Variants in B3GALT1 observed in about 807,000 individuals in gnomAD.
The protein encoded by B3GALT1 is UDP-Gal:betaGlcNAc beta 1,3-galactosyltransferase, polypeptide 1.
Under a neutral mutation model 23.2 loss-of-function variants are expected in B3GALT1, and 10 were observed. That is an observed-to-expected ratio of 0.43 (90% CI 0.27 to 0.73). B3GALT1 has a LOEUF of 0.73. Ranked by LOEUF, B3GALT1 falls within the 30% of genes least tolerant of loss-of-function variation. B3GALT1 has a pLI of 0.21. For missense variants in B3GALT1, 299 were observed against 405.4 expected, an observed-to-expected ratio of 0.74 and a Z score of 2.25; for synonymous variants, 156 against 141.5, an observed-to-expected ratio of 1.10 and a Z score of -0.73.
intron 2 of B3GALT1, among the ~76,000 whole-genome samples, chr2:167,620,287 A>G (rs1197910573): frequency 6.6e-6 from 1 of 152,096 alleles, no homozygotes; most frequent in Non-Finnish European, 1.5e-5. Context: ...CATAAATACA[A>G]AGAGAAGGTA....
At chr2:167,715,840 T>TC in intron 3 of B3GALT1, 9 of 1,613,920 alleles carry the variant, frequency 5.6e-6, no homozygotes, top group Non-Finnish European at 7.6e-6. Context: ...CAAGTTTTTT[T>TC]CTCTCTTCCC....
At chr2:167,426,355 A>C (rs1480960302) in intron 1 of B3GALT1, among the ~76,000 whole-genome samples, 1 of 151,162 alleles carries the variant, frequency 6.6e-6, no homozygotes, top group Non-Finnish European at 1.5e-5. Flanking sequence ...GCTCAATACA[A>C]CCTCCGCCTC....
chr2:167,593,038 T>C (rs543700914), intron 2 of B3GALT1, among the ~76,000 whole-genome samples: 1 of 152,152 alleles, frequency 6.6e-6, no homozygotes, highest in Non-Finnish European at 1.5e-5. Context: ...ATACAGATAG[T>C]GTATAACTAG....
intron 4 of B3GALT1, among the ~76,000 whole-genome samples, chr2:167,838,818 G>T (rs1389314481): frequency 6.6e-6 from 1 of 152,164 alleles, no homozygotes; most frequent in Non-Finnish European, 1.5e-5. Context: ...ACATCAAAAA[G>T]CTTATCCACC....
intron 2 of B3GALT1, among the ~76,000 whole-genome samples, chr2:167,532,964 C>T (rs1222975270): frequency 9.4e-5 from 14 of 149,674 alleles, no homozygotes; most frequent in African/African-American, 2.2e-4. Context: ...TGGGTTCAAG[C>T]GATTCTCCTG....
chr2:167,597,140 G>C (rs1204868082), intron 2 of B3GALT1, among the ~76,000 whole-genome samples: 1 of 138,024 alleles, frequency 7.2e-6, no homozygotes, highest in Non-Finnish European at 1.6e-5. Flanking sequence ...TTTTTAGATA[G>C]AGCCTCTCTC....
At chr2:167,847,175 A>C (rs780278522) in intron 4 of B3GALT1, among the ~76,000 whole-genome samples, 1 of 152,232 alleles carries the variant, frequency 6.6e-6, no homozygotes, top group Non-Finnish European at 1.5e-5. Context: ...TCAATACTCC[A>C]CTGACAGCAC....
At chr2:167,659,820 A>C (rs1368614342) in intron 3 of B3GALT1, among the ~76,000 whole-genome samples, 1 of 152,000 alleles carries the variant, frequency 6.6e-6, no homozygotes, top group Non-Finnish European at 1.5e-5. Flanking sequence ...AAGAGAGAGA[A>C]TCTCCTCTCT....
At chr2:167,430,490 T>G (rs1470295118) in intron 1 of B3GALT1, among the ~76,000 whole-genome samples, 1 of 152,084 alleles carries the variant, frequency 6.6e-6, no homozygotes, top group African/African-American at 2.4e-5. Flanking sequence ...TCAAAGGAAA[T>G]CAAGAAGCTT....
At chr2:167,839,778 A>G (rs1352513595) in intron 4 of B3GALT1, among the ~76,000 whole-genome samples, 1 of 152,216 alleles carries the variant, frequency 6.6e-6, no homozygotes, top group East Asian at 1.9e-4. Flanking sequence ...ACTTCAAACT[A>G]TACTACAAGG....
intron 2 of B3GALT1, among the ~76,000 whole-genome samples, chr2:167,547,693 C>CAAAAAAAAAAAA (rs71031296): frequency 1.6e-4 from 12 of 75,492 alleles, no homozygotes; most frequent in African/African-American, 4.5e-4. Context: ...GACTCTGTCT[C>CAAAAAAAAAAAA]AAAAAAAAAA....
intron 3 of B3GALT1, among the ~76,000 whole-genome samples, chr2:167,670,445 C>G (rs1686303747): frequency 6.6e-6 from 1 of 152,136 alleles, no homozygotes; most frequent in Non-Finnish European, 1.5e-5. Context: ...GTAGAGGTGA[C>G]TGCGTCTTTA....
chr2:167,690,028 T>C (rs996817103), intron 3 of B3GALT1, among the ~76,000 whole-genome samples: 3 of 152,166 alleles, frequency 2.0e-5, no homozygotes, highest in Non-Finnish European at 4.4e-5. Context: ...AATTATGTTC[T>C]TATACAGACA....
At chr2:167,771,741 A>G (rs1464508607) in intron 3 of B3GALT1, among the ~76,000 whole-genome samples, 1 of 152,196 alleles carries the variant, frequency 6.6e-6, no homozygotes, top group East Asian at 1.9e-4. Context: ...GCCATTTTCA[A>G]TAGGTTCTCT....
intron 1 of B3GALT1, among the ~76,000 whole-genome samples, chr2:167,458,575 T>C (rs534774589): frequency 2.0e-5 from 3 of 152,354 alleles, no homozygotes; most frequent in East Asian, 1.9e-4. Flanking sequence ...GTTCCTACAG[T>C]GTACAAGGGT....
chr2:167,669,331 A>T (rs1388610739), intron 3 of B3GALT1, among the ~76,000 whole-genome samples: 1 of 152,238 alleles, frequency 6.6e-6, no homozygotes, highest in Non-Finnish European at 1.5e-5. Context: ...TTATTTTCAA[A>T]GTGCAAAATT....
intron 1 of B3GALT1, among the ~76,000 whole-genome samples, chr2:167,450,138 T>C (rs1699064530): frequency 6.6e-6 from 1 of 152,172 alleles, no homozygotes; most frequent in Non-Finnish European, 1.5e-5. Context: ...CTTCTTTCTA[T>C]TTTGTGGAAT....
intron 3 of B3GALT1, among the ~76,000 whole-genome samples, chr2:167,773,554 A>G (rs575560190): frequency 1.3e-5 from 2 of 152,360 alleles, no homozygotes; most frequent in East Asian, 3.9e-4. Context: ...AATTAACTGC[A>G]GAAGAGCAGG....
chr2:167,386,188 T>A (rs1168998382), intron 1 of B3GALT1, among the ~76,000 whole-genome samples: 2 of 152,136 alleles, frequency 1.3e-5, no homozygotes, highest in African/African-American at 4.8e-5. Context: ...GCAATGCCTT[T>A]CCTCAGTAGC....
Sources: allele counts gnomAD v4.1 joint callset (sites outside exome capture counted in the v4.1 genomes callset), GRCh38; gene constraint gnomAD v4.1.1; transcripts MANE v1.5; gene names NCBI Gene and HGNC (gene_info 2026-07-23, HGNC 2026-07-21).